PTH2R: variants seen among roughly 807,000 people sequenced by gnomAD.
PTH2R encodes the protein PTH2 receptor.
A neutral mutation model predicts 60.3 loss-of-function variants in PTH2R; 59 were observed. That is an observed-to-expected ratio of 0.98 (90% CI 0.79 to 1.22). The LOEUF (loss-of-function observed/expected upper bound fraction) is 1.22, where lower values mean the gene tolerates loss of function less well. Among genes scored for constraint, PTH2R ranks in the 50% most tolerant of loss-of-function variants. PTH2R has a pLI of 0.00. For synonymous variants in PTH2R, 256 were observed against 243.8 expected (o/e 1.05, Z -0.47); for missense variants, 749 against 682.6 (o/e 1.10, Z -1.08).
chr2:208,420,684 T>C (rs1173445976), intron 1 of PTH2R, among the ~76,000 whole-genome samples: 1 of 152,240 alleles, frequency 6.6e-6, no homozygotes, highest in Non-Finnish European at 1.5e-5. Context: ...AGACACTAAA[T>C]ACCTTTCACG....
At chr2:208,400,019 C>A (rs888625513) in intron 1 of PTH2R, among the ~76,000 whole-genome samples, 1 of 152,122 alleles carries the variant, frequency 6.6e-6, no homozygotes, top group South Asian at 2.1e-4. Flanking sequence ...TCATTAATAA[C>A]CCTATGGAAA....
intron 4 of PTH2R, among the ~76,000 whole-genome samples, chr2:208,439,333 C>T (rs1262226826): frequency 2.0e-5 from 3 of 151,814 alleles, no homozygotes; most frequent in Admixed American, 6.6e-5. Flanking sequence ...ATTTAATCTC[C>T]TTAATTAAAA....
At chr2:208,442,767 A>G (rs886944728) in intron 5 of PTH2R, among the ~76,000 whole-genome samples, 2 of 152,202 alleles carry the variant, frequency 1.3e-5, no homozygotes, top group South Asian at 4.1e-4. Context: ...GTGCTATTGG[A>G]CAAAAATTCA....
chr2:208,383,692 A>G (rs796447462), intron 1 of PTH2R, among the ~76,000 whole-genome samples: 23 of 152,374 alleles, frequency 1.5e-4, no homozygotes, highest in African/African-American at 3.6e-4. Flanking sequence ...CATGAGGTAC[A>G]TATCGATTAC....
chr2:208,388,546 C>T (rs1477009570), intron 1 of PTH2R, among the ~76,000 whole-genome samples: 2 of 152,234 alleles, frequency 1.3e-5, no homozygotes, highest in South Asian at 2.1e-4. Context: ...TCTCCCTATC[C>T]TTATACTCTG....
At chr2:208,395,526 A>G (rs1701192896) in intron 1 of PTH2R, among the ~76,000 whole-genome samples, 1 of 152,198 alleles carries the variant, frequency 6.6e-6, no homozygotes, top group Non-Finnish European at 1.5e-5. Context: ...CTCTGTTCCT[A>G]GAAGATTGCA....
In PTH2R at chr2:208,406,931, C is replaced by A; in HGVS notation, c.-113C>A. The A allele has an allele frequency of 1.1e-6, 1 of 883,866 alleles. No homozygotes were observed. The highest frequency in any genetic ancestry group is 1.6e-6 in the Non-Finnish European group (1 of 628,780). The allele number at this position is 883,866 out of a possible 1,614,324, so 54.8% of individuals were successfully genotyped here. A position where few individuals can be genotyped will look rare whatever the true frequency, so the allele number is the denominator to read the frequency against. On this transcript the variant is annotated 5_prime_UTR_variant, in exon 1 of 13. It adds an upstream start codon to the 5' untranslated region. Transcript: ENST00000272847. ...GGTGGCCCGGGCCCGACCACCCCAG[C>A]TGCGCGTCGTTACTGGCCACAAGTT...
At chr2:208,407,208 G>C in intron 1 of PTH2R, 90 bp downstream of exon 1, 1 of 1,161,328 alleles carries the variant, frequency 8.6e-7, no homozygotes, top group Non-Finnish European at 1.2e-6. Context: ...GCGCGCGAGA[G>C]CTCATTCATG....
chr2:208,393,776 C>G (rs1701152872), intron 1 of PTH2R, among the ~76,000 whole-genome samples: 1 of 152,236 alleles, frequency 6.6e-6, no homozygotes, highest in East Asian at 1.9e-4. Context: ...CCTAAGTCTC[C>G]CTTTATTTGC....
At chr2:208,399,856 T>C (rs989173555) in intron 1 of PTH2R, among the ~76,000 whole-genome samples, 9 of 152,182 alleles carry the variant, frequency 5.9e-5, no homozygotes, top group African/African-American at 2.2e-4. Context: ...AGAGATTTAT[T>C]TGAGGTTTTT....
intron 7 of PTH2R, 94 bp downstream of exon 7, chr2:208,444,981 C>G (rs1383898712): frequency 7.9e-7 from 1 of 1,272,132 alleles, no homozygotes; most frequent in African/African-American, 1.5e-5. Flanking sequence ...AGCCATTTTC[C>G]TGAAACAATC....
rs369266017 is a variant in PTH2R, at chr2:208,437,731, C to T, written c.290-29C>T. 100 of 1,606,392 alleles carry T rather than the reference C, an allele frequency of 6.2e-5. No homozygotes were observed. In the African/African-American group the frequency reaches 6.9e-4, roughly 11 times the overall value. ...GATAATAGATTCTAAGGGAACTGAG[C>T]GATCTCAGCATCTTTCATGTCTTTA... On this transcript the variant is annotated intron_variant, in intron 3 of 12. Coordinates refer to ENST00000272847, the MANE Select transcript of PTH2R (RefSeq NM_005048.4).
chr2:208,467,784 T>C (rs1702787492), intron 9 of PTH2R, among the ~76,000 whole-genome samples: 1 of 152,128 alleles, frequency 6.6e-6, no homozygotes, highest in Admixed American at 6.5e-5. Flanking sequence ...AGATGGTTCC[T>C]AGGTCCTTGC....
At chr2:208,439,762 T>A (rs1702146190) in intron 4 of PTH2R, among the ~76,000 whole-genome samples, 1 of 152,154 alleles carries the variant, frequency 6.6e-6, no homozygotes, top group Admixed American at 6.5e-5. Flanking sequence ...GAAACTACCA[T>A]ATAATACATC....
chr2:208,491,677 G>A (rs144171119), intron 12 of PTH2R, among the ~76,000 whole-genome samples: 27 of 136,272 alleles, frequency 2.0e-4, no homozygotes, highest in Middle Eastern at 3.7e-3. Flanking sequence ...CCTACCCCCC[G>A]CCCCCCAAGT....
At chr2:208,361,773 T>TTA (rs1700478762) in intron 1 of PTH2R, among the ~76,000 whole-genome samples, 1 of 151,150 alleles carries the variant, frequency 6.6e-6, no homozygotes, top group African/African-American at 2.4e-5. Flanking sequence ...TTTTTTTTTT[T>TTA]AAAAAAAAGG....
intron 8 of PTH2R, among the ~76,000 whole-genome samples, chr2:208,453,501 G>A (rs1047584316): frequency 2.0e-5 from 3 of 152,116 alleles, no homozygotes; most frequent in African/African-American, 7.2e-5. Context: ...AAATGTGCAA[G>A]TGTAACTGTC....
rs78484927 is a variant in PTH2R at position 208,425,137 on chromosome 2, G to A, written c.76-3064G>A. On this transcript the variant is annotated intron_variant, in intron 1 of 12. Transcript: ENST00000272847. ...CAAGCAGAACAAAATAATTACATAAGATTGAATACTTCTTAAAAATTATAA... is the reference window on the plus strand; with the variant it reads ...CAAGCAGAACAAAATAATTACATAAAATTGAATACTTCTTAAAAATTATAA... Among the ~76,000 whole-genome samples the A allele has an allele frequency of 1.9e-3, 283 of 152,258 alleles. 3 individuals are homozygous for A. Among genetic ancestry groups the A allele is most frequent in the African/African-American group, 6.7e-3 (277 of 41,542 alleles).
chr2:208,404,954 C>T (rs1027644198), upstream of PTH2R, among the ~76,000 whole-genome samples: 3 of 152,142 alleles, frequency 2.0e-5, no homozygotes, highest in South Asian at 2.1e-4. Flanking sequence ...TGGTATTCCA[C>T]CCTGGATAAA....
Sources: gnomAD v4.1 joint callset for allele counts (sites outside exome capture counted in the v4.1 genomes callset) on GRCh38, gnomAD v4.1.1 for gene constraint, MANE v1.5 for transcripts, NCBI Gene and HGNC (gene_info 2026-07-23, HGNC 2026-07-21) for gene names.